UBAC2: variants seen among roughly 807,000 people sequenced by gnomAD.
UBAC2 encodes the protein UBA domain containing 2, also known as ubiquitin-associated domain-containing protein 2.
A neutral mutation model predicts 44.0 loss-of-function variants in UBAC2; 26 were observed. The ratio of observed to expected loss-of-function variants is 0.59; its 90% CI spans 0.43 to 0.82. The LOEUF (loss-of-function observed/expected upper bound fraction) is 0.82, where lower values mean the gene tolerates loss of function less well. Ranked by LOEUF, UBAC2 falls within the 40% of genes least tolerant of loss-of-function variation. The probability of loss-of-function intolerance (pLI) is 0.00; values close to 1 mark genes in which losing one functional copy is unlikely to be tolerated. For missense variants in UBAC2, 329 were observed against 419.4 expected (o/e 0.78, Z 1.88); for synonymous variants, 155 against 154.3 (o/e 1.00, Z -0.04).
At chr13:99,363,605 G>A (rs1009302239) in intron 7 of UBAC2, among the ~76,000 whole-genome samples, 14 of 152,240 alleles carry the variant, frequency 9.2e-5, no homozygotes, top group African/African-American at 3.4e-4. Flanking sequence ...TCTAAGAAGG[G>A]CGAGCCCCTG....
intron 4 of UBAC2, among the ~76,000 whole-genome samples, chr13:99,308,357 C>A (rs915821568): frequency 3.3e-5 from 5 of 152,138 alleles, no homozygotes; most frequent in African/African-American, 1.2e-4. Context: ...GGGTCATTAT[C>A]CTTATGCTTG....
chr13:99,356,066 T>C, intron 7 of UBAC2: 1 of 492,792 alleles, frequency 2.0e-6, no homozygotes, highest in Non-Finnish European at 4.4e-6. Flanking sequence ...GTGCTAGGTA[T>C]GTCAGGCCTC....
intron 5 of UBAC2, among the ~76,000 whole-genome samples, chr13:99,317,560 G>A (rs1478313564): frequency 6.6e-6 from 1 of 152,038 alleles, no homozygotes; most frequent in Non-Finnish European, 1.5e-5. Context: ...AGGCTGGCAG[G>A]GTTCTTCCCA....
intron 6 of UBAC2, among the ~76,000 whole-genome samples, chr13:99,339,335 A>G (rs2044849813): frequency 6.6e-6 from 1 of 152,146 alleles, no homozygotes; most frequent in Non-Finnish European, 1.5e-5. Flanking sequence ...TTCGTGCCCC[A>G]TGTCACTTTA....
At chr13:99,211,926 A>G (rs2042941099) in intron 1 of UBAC2, among the ~76,000 whole-genome samples, 2 of 152,088 alleles carry the variant, frequency 1.3e-5, no homozygotes, top group Non-Finnish European at 2.9e-5. Flanking sequence ...GGGTTCTACC[A>G]TGCTCCTTCT....
intron 4 of UBAC2, among the ~76,000 whole-genome samples, chr13:99,259,497 T>C (rs796350712): frequency 3.9e-5 from 6 of 152,296 alleles, no homozygotes; most frequent in African/African-American, 1.4e-4. Flanking sequence ...TAGCAACTAT[T>C]TCTTGTGTGG....
chr13:99,233,313 A>G lies in UBAC2; in HGVS notation c.32-5114A>G, dbSNP rs1363609507. Reference sequence around the variant, plus strand: ...TTTTTAGTAGAGACAGGGTTTCACTATGTTGGCCAGGCTGGTCTTGAACTC... The same window carrying G: ...TTTTTAGTAGAGACAGGGTTTCACTGTGTTGGCCAGGCTGGTCTTGAACTC... On this transcript the variant is annotated intron_variant, in intron 1 of 8. Transcript: ENST00000403766. Among the ~76,000 whole-genome samples, 5 of 152,034 alleles carry G rather than the reference A, an allele frequency of 3.3e-5. No homozygotes were observed. In the East Asian group the frequency reaches 7.7e-4, roughly 24 times the overall value.
chr13:99,372,783 G>A (rs1274019003), intron 8 of UBAC2: 2 of 152,226 alleles, frequency 1.3e-5, no homozygotes, highest in Admixed American at 6.5e-5. Flanking sequence ...AAACTCCTTC[G>A]AGTAATCAAA....
intron 1 of UBAC2, among the ~76,000 whole-genome samples, chr13:99,224,881 T>A (rs1440783449): frequency 6.6e-6 from 1 of 152,216 alleles, no homozygotes; most frequent in Non-Finnish European, 1.5e-5. Context: ...AAATCTTGAG[T>A]TGATGAGCGA....
At chr13:99,204,070 G>A (rs1292146115) in intron 1 of UBAC2, among the ~76,000 whole-genome samples, 3 of 152,198 alleles carry the variant, frequency 2.0e-5, no homozygotes, top group African/African-American at 4.8e-5. Context: ...ATCATTCACT[G>A]CATTTATTAA....
intron 7 of UBAC2, chr13:99,356,114 C>T (rs1221181828): frequency 3.8e-6 from 2 of 525,438 alleles, no homozygotes; most frequent in African/African-American, 3.9e-5. Flanking sequence ...AGACTTGGGA[C>T]ACATGTCTGT....
chr13:99,355,777 G>C (rs1050160038), intron 7 of UBAC2, among the ~76,000 whole-genome samples: 2 of 152,174 alleles, frequency 1.3e-5, no homozygotes. Flanking sequence ...AAGCCCCCCC[G>C]CAGCTGCCCA....
rs36041704 is a variant in UBAC2, at chr13:99,280,830, CCTCTCT to C, written c.390-33248_390-33243del. Among the ~76,000 whole-genome samples, 33 of 109,066 alleles carry C rather than the reference CCTCTCT, an allele frequency of 3.0e-4. No individual in the cohort carries two copies. In the South Asian group the frequency reaches 3.2e-3, roughly 11 times the overall value. The allele number at this position is 109,066 out of a possible 152,430, so 71.6% of individuals were successfully genotyped here. A position where few individuals can be genotyped will look rare whatever the true frequency, so the allele number is the denominator to read the frequency against. On this transcript the variant is annotated intron_variant, in intron 4 of 8. Transcript: ENST00000403766. ...TCCCTTCTTCCTTCCTTCTTCTTTC[CCTCTCT>C]CTCTCTCTCTCTCTCTCTTTCTCAC...
intron 1 of UBAC2, chr13:99,201,342 C>T: frequency 1.3e-6 from 2 of 1,540,480 alleles, no homozygotes; most frequent in Non-Finnish European, 1.8e-6. Context: ...GGGGACCGAA[C>T]TAACTCCCCC....
intron 4 of UBAC2, among the ~76,000 whole-genome samples, chr13:99,305,998 G>A (rs1412396891): frequency 3.3e-5 from 5 of 151,998 alleles, no homozygotes; most frequent in African/African-American, 1.2e-4. Context: ...CAGGTTCAAG[G>A]GATTCTCCTG....
In UBAC2 at chr13:99,244,595, C is replaced by T. The variant is rs1414757186; in HGVS notation, c.360C>T (p.Ile120=). 1 of 1,612,600 alleles carries T rather than the reference C, an allele frequency of 6.2e-7. No homozygotes were observed. The highest frequency in any genetic ancestry group is 8.5e-7 in the Non-Finnish European group (1 of 1,179,014). The part of the protein sequence containing the change: ...LIEAMQYFFG[I]TAASNLPSGF... ...AAGCTATGCAGTATTTCTTTGGCAT[C>T]ACTGCAGCTAGTAATTTGCCTTCTG... The change falls in exon 4 of 9, where the codon ATC becomes ATT. Residue 120 remains isoleucine (I), a synonymous_variant. Transcript: ENST00000403766.
intron 4 of UBAC2, among the ~76,000 whole-genome samples, chr13:99,277,579 G>A (rs987726753): frequency 6.6e-6 from 1 of 152,176 alleles, no homozygotes; most frequent in Non-Finnish European, 1.5e-5. Context: ...TTAAAAAGGT[G>A]TGTGTTTTAA....
At position 99,346,638 on chromosome 13, in the gene UBAC2, C is replaced by G. The variant is rs538945093; in HGVS notation, c.807+6073C>G. 5.9e-5 allele frequency among the ~76,000 whole-genome samples: 9 copies of G among 152,268 alleles called. No individual in the cohort carries two copies. In the South Asian group the frequency reaches 1.7e-3, roughly 28 times the overall value. On this transcript the variant is annotated intron_variant, in intron 7 of 8. Coordinates refer to ENST00000403766, the MANE Select transcript of UBAC2 (RefSeq NM_001144072.2). ...CACCCCACCCCTCCCACATACACAT[C>G]ATTTTCACTTGTCTAGCTGCTATTT... is the stretch of plus-strand genomic sequence containing the variant.
At position 99,307,763 on chromosome 13, in the gene UBAC2, T is replaced by C. The variant is rs145683683; in HGVS notation, c.390-6334T>C. Among the ~76,000 whole-genome samples the C allele has an allele frequency of 6.7e-3, 1,026 of 152,304 alleles. 12 individuals are homozygous for C. Among genetic ancestry groups the C allele is most frequent in the Middle Eastern group, 0.027 (8 of 294 alleles). ...TATATTGATTTTGCATGTAAAAGTA[T>C]GGGTTTTTAAATGTTTTAAGGAAAA... On this transcript the variant is annotated intron_variant, in intron 4 of 8. Coordinates refer to ENST00000403766, the MANE Select transcript of UBAC2 (RefSeq NM_001144072.2).
Sources: gnomAD v4.1 joint callset for allele counts (sites outside exome capture counted in the v4.1 genomes callset) on GRCh38, gnomAD v4.1.1 for gene constraint, MANE v1.5 for transcripts, NCBI Gene and HGNC (gene_info 2026-07-23, HGNC 2026-07-21) for gene names.